The following PRKN variants were observed in gnomAD, a reference collection of about 807,000 sequenced individuals.
PRKN encodes the protein E3 ubiquitin-protein ligase parkin.
In PRKN, 56 loss-of-function variants were observed where a neutral mutation model predicts 59.5. The observed-to-expected ratio is 0.94, with a 90% CI of 0.76 to 1.18. PRKN has a LOEUF of 1.18. Among genes scored for constraint, PRKN ranks in the 50% most tolerant of loss-of-function variants. The probability of loss-of-function intolerance (pLI) is 0.00; values close to 1 mark genes in which losing one functional copy is unlikely to be tolerated. For missense variants in PRKN, 657 were observed against 596.4 expected (o/e 1.10, Z -1.06); for synonymous variants, 250 against 222.1 (o/e 1.13, Z -1.12).
At position 161,376,181 on chromosome 6, in the gene PRKN, C is replaced by T. The variant is rs1438115859; in HGVS notation, c.1167+10613G>A. Among the ~76,000 whole-genome samples, 1 of 152,090 alleles carries T rather than the reference C, an allele frequency of 6.6e-6. No individual in the cohort carries two copies. Among genetic ancestry groups the T allele is most frequent in the Non-Finnish European group, 1.5e-5 (1 of 68,018 alleles). Reference sequence around the variant, plus strand: ...AGGGAGGTGCACCTCCTAGCCTCTCCTGGACTGTAACTCTGAAGGGGTGGG... The same window carrying T: ...AGGGAGGTGCACCTCCTAGCCTCTCTTGGACTGTAACTCTGAAGGGGTGGG... On this transcript the variant is annotated intron_variant, in intron 10 of 11. Coordinates refer to ENST00000366898, the MANE Select transcript of PRKN (RefSeq NM_004562.3). The surrounding 1 kb of genome is among the most constrained non-coding windows in gnomAD (Gnocchi z 7.3).
chr6:161,948,714 T>C (rs570339351), intron 6 of PRKN, among the ~76,000 whole-genome samples: 121 of 152,150 alleles, frequency 8.0e-4, no homozygotes, highest in Non-Finnish European at 1.6e-3. Context: ...ACAGAAAGAT[T>C]TGGAACTTGC....
At chr6:161,723,086 T>C (rs1167117854) in intron 7 of PRKN, among the ~76,000 whole-genome samples, 2 of 152,102 alleles carry the variant, frequency 1.3e-5, no homozygotes, top group South Asian at 2.1e-4. Context: ...TTGACCTACA[T>C]AGTGAAACCC....
chr6:162,581,510 C>T (rs753125218), intron 1 of PRKN, among the ~76,000 whole-genome samples: 3 of 152,208 alleles, frequency 2.0e-5, no homozygotes, highest in Non-Finnish European at 4.4e-5. Flanking sequence ...CCTGTAATCC[C>T]GGCACTTTGG....
At chr6:162,608,041 G>GACTAT (rs1781994752) in intron 1 of PRKN, among the ~76,000 whole-genome samples, 1 of 152,214 alleles carries the variant, frequency 6.6e-6, no homozygotes, top group Non-Finnish European at 1.5e-5. Context: ...GGCTGCACAG[G>GACTAT]TTGAAAGGCC....
intron 4 of PRKN, among the ~76,000 whole-genome samples, chr6:162,150,488 C>T (rs1215336498): frequency 3.3e-5 from 5 of 152,168 alleles, no homozygotes; most frequent in African/African-American, 9.7e-5. Flanking sequence ...TGGCAGGATT[C>T]GTCTCAGGTG....
chr6:162,395,473 G>A (rs758110097), intron 2 of PRKN, among the ~76,000 whole-genome samples: 6 of 152,150 alleles, frequency 3.9e-5, no homozygotes. Context: ...TCTATCATCA[G>A]TTAAGTCTTC....
chr6:161,692,744 AAAAC>A (rs1389606744), intron 7 of PRKN, among the ~76,000 whole-genome samples: 1 of 152,098 alleles, frequency 6.6e-6, no homozygotes, highest in Non-Finnish European at 1.5e-5. Flanking sequence ...GTCTGCTATA[AAAAC>A]AAACAAAACA....
chr6:162,384,663 C>CAA (rs370455931), intron 2 of PRKN, among the ~76,000 whole-genome samples: 12 of 125,756 alleles, frequency 9.5e-5, no homozygotes, highest in Non-Finnish European at 1.5e-4. Flanking sequence ...AAAAAAAAAA[C>CAA]AAAAAAAAAA....
intron 2 of PRKN, among the ~76,000 whole-genome samples, chr6:162,287,121 G>GA: frequency 6.6e-6 from 1 of 152,256 alleles, no homozygotes; most frequent in African/African-American, 2.4e-5. Context: ...GTGAAACTCA[G>GA]AAAAATGATA....
intron 4 of PRKN, among the ~76,000 whole-genome samples, chr6:162,148,082 AACATC>A (rs1782104885): frequency 6.6e-6 from 1 of 152,212 alleles, no homozygotes; most frequent in Non-Finnish European, 1.5e-5. Context: ...TAGTTCTGGT[AACATC>A]ACTGCTTAAC....
At chr6:161,813,315 G>A (rs1161716030) in intron 6 of PRKN, among the ~76,000 whole-genome samples, 1 of 152,094 alleles carries the variant, frequency 6.6e-6, no homozygotes, top group Non-Finnish European at 1.5e-5. Flanking sequence ...AGTCTCAGGC[G>A]CCTCACCCAC....
At chr6:162,338,190 G>A (rs1783935170) in intron 2 of PRKN, among the ~76,000 whole-genome samples, 1 of 152,088 alleles carries the variant, frequency 6.6e-6, no homozygotes, top group Non-Finnish European at 1.5e-5. Context: ...AACCACAGCA[G>A]GAGATGATAA....
intron 6 of PRKN, among the ~76,000 whole-genome samples, chr6:161,865,011 G>A (rs1321904270): frequency 6.6e-6 from 1 of 152,124 alleles, no homozygotes; most frequent in African/African-American, 2.4e-5. Flanking sequence ...CTTTGAAAAT[G>A]TGTTTTTAAA....
At chr6:161,838,199 A>C (rs1339207182) in intron 6 of PRKN, among the ~76,000 whole-genome samples, 2 of 152,234 alleles carry the variant, frequency 1.3e-5, no homozygotes, top group African/African-American at 4.8e-5. Flanking sequence ...GCTATGGTTT[A>C]AGTATTATTA....
intron 2 of PRKN, among the ~76,000 whole-genome samples, chr6:162,359,069 A>ATATAT (rs1264283946): frequency 1.0e-5 from 1 of 96,754 alleles, no homozygotes; most frequent in African/African-American, 6.3e-5. Flanking sequence ...CAAAAAAAAA[A>ATATAT]AAAAAAAAAA....
At chr6:161,535,808 C>T (rs1779392232) in intron 9 of PRKN, among the ~76,000 whole-genome samples, 1 of 152,152 alleles carries the variant, frequency 6.6e-6, no homozygotes, top group Non-Finnish European at 1.5e-5. Context: ...TGGAGCATCC[C>T]AGCTCCAGAC....
intron 6 of PRKN, among the ~76,000 whole-genome samples, chr6:161,788,752 G>T (rs1310866797): frequency 2.0e-5 from 3 of 152,154 alleles, no homozygotes; most frequent in African/African-American, 7.2e-5. Context: ...CTGGAATGTT[G>T]TGTGTGTTTC....
intron 5 of PRKN, among the ~76,000 whole-genome samples, chr6:162,044,503 G>A (rs930841814): frequency 6.6e-6 from 1 of 152,120 alleles, no homozygotes; most frequent in African/African-American, 2.4e-5. Flanking sequence ...CCAGGCAGCC[G>A]CCCTGTTTCA....
chr6:161,527,185 T>C lies in PRKN; in HGVS notation c.1083+21669A>G, dbSNP rs970463125. The stretch of plus-strand genomic sequence containing the variant: ...TTTCCTTTATAGATATAGATTTCTT[T>C]TACAAAAGAACAGCTATTCAGAGGC... On this transcript the variant is annotated intron_variant, in intron 9 of 11. Coordinates refer to ENST00000366898, the MANE Select transcript of PRKN (RefSeq NM_004562.3). This position sits in a 1 kb window ranked among gnomAD's most constrained non-coding sequence, Gnocchi z 4.6. 1.3e-5 allele frequency among the ~76,000 whole-genome samples: 2 copies of C among 152,298 alleles called. No individual in the cohort carries two copies. Among genetic ancestry groups the C allele is most frequent in the South Asian group, 4.1e-4 (2 of 4,830 alleles).
Sources: gnomAD v4.1 joint callset for allele counts (sites outside exome capture counted in the v4.1 genomes callset) on GRCh38, gnomAD v4.1.1 for gene constraint, Gnocchi (gnomAD v3.1) non-coding constraint, MANE v1.5 for transcripts, NCBI Gene and HGNC (gene_info 2026-07-23, HGNC 2026-07-21) for gene names.